The following TAFA1 variants were observed in gnomAD, a reference collection of about 807,000 sequenced individuals.
TAFA1 encodes TAFA chemokine like family member 1, also known as chemokine-like protein TAFA-1.
TAFA1 carries 4 observed loss-of-function variants against 18.5 expected under a neutral mutation model. The ratio of observed to expected loss-of-function variants is 0.22; its 90% CI spans 0.11 to 0.49. TAFA1 has a LOEUF of 0.49. Ranked by LOEUF, TAFA1 falls within the 20% of genes least tolerant of loss-of-function variation. The pLI, the probability that TAFA1 is intolerant of heterozygous loss-of-function variation, is 0.98. For missense variants in TAFA1, 147 were observed against 169.0 expected (o/e 0.87, Z 0.72); for synonymous variants, 56 against 55.2 (o/e 1.01, Z -0.06).
intron 2 of TAFA1, among the ~76,000 whole-genome samples, chr3:68,296,583 A>G (rs1327803334): frequency 6.6e-6 from 1 of 152,200 alleles, no homozygotes; most frequent in African/African-American, 2.4e-5. Flanking sequence ...TCAAAAAAAA[A>G]AAAGATAATA....
intron 2 of TAFA1, among the ~76,000 whole-genome samples, chr3:68,084,814 C>CA (rs887263356): frequency 6.7e-6 from 1 of 150,332 alleles, no homozygotes; most frequent in Non-Finnish European, 1.5e-5. Context: ...AAAAAAAAAC[C>CA]AAAAAAACCA....
At chr3:68,356,143 T>C (rs1479603609) in intron 2 of TAFA1, among the ~76,000 whole-genome samples, 2 of 151,856 alleles carry the variant, frequency 1.3e-5, no homozygotes, top group African/African-American at 4.8e-5. Flanking sequence ...ACCGTCATTA[T>C]AGAGGGATGT....
chr3:68,111,201 C>T (rs1463090691), intron 2 of TAFA1, among the ~76,000 whole-genome samples: 1 of 152,150 alleles, frequency 6.6e-6, no homozygotes, highest in East Asian at 1.9e-4. Flanking sequence ...GCTGCTATTT[C>T]CTAGACCACA....
intron 3 of TAFA1, among the ~76,000 whole-genome samples, chr3:68,517,072 C>A (rs1354547392): frequency 6.6e-6 from 1 of 152,174 alleles, no homozygotes; most frequent in Non-Finnish European, 1.5e-5. Flanking sequence ...CCGCGCCTGG[C>A]CAATTGTTCC....
chr3:68,339,230 T>C (rs908460214), intron 2 of TAFA1, among the ~76,000 whole-genome samples: 1 of 152,226 alleles, frequency 6.6e-6, no homozygotes, highest in East Asian at 1.9e-4. Flanking sequence ...TGAAATGTCA[T>C]TGGTTTCTGA....
chr3:68,400,181 G>T (rs2070460318), intron 2 of TAFA1, among the ~76,000 whole-genome samples: 1 of 152,064 alleles, frequency 6.6e-6, no homozygotes, highest in East Asian at 1.9e-4. Flanking sequence ...ACTGAAAATG[G>T]GGTAGGGGTG....
chr3:68,009,237 G>T (rs907086492), intron 2 of TAFA1, among the ~76,000 whole-genome samples: 4 of 152,102 alleles, frequency 2.6e-5, no homozygotes, highest in Non-Finnish European at 5.9e-5. Context: ...ATACAGTACC[G>T]TTTGTAACAA....
intron 3 of TAFA1, among the ~76,000 whole-genome samples, chr3:68,489,777 T>C (rs1559690924): frequency 6.6e-6 from 1 of 152,198 alleles, no homozygotes; most frequent in African/African-American, 2.4e-5. Flanking sequence ...AGAATGGCCA[T>C]TTTCTTAAAA....
chr3:68,235,221 G>A (rs528885612), intron 2 of TAFA1, among the ~76,000 whole-genome samples: 34 of 152,202 alleles, frequency 2.2e-4, no homozygotes, highest in African/African-American at 7.9e-4. Flanking sequence ...TATTCCAACC[G>A]ATGAATTTTT....
intron 2 of TAFA1, among the ~76,000 whole-genome samples, chr3:68,198,545 C>T (rs1296785364): frequency 6.6e-6 from 1 of 151,564 alleles, no homozygotes; most frequent in Non-Finnish European, 1.5e-5. Flanking sequence ...TTAGTGTTGT[C>T]AGTGTTCTGA....
At chr3:68,329,326 A>G (rs535719170) in intron 2 of TAFA1, among the ~76,000 whole-genome samples, 18 of 147,680 alleles carry the variant, frequency 1.2e-4, no homozygotes, top group Admixed American at 2.8e-4. Flanking sequence ...TTGGCCTCCC[A>G]AAGTGCTGGG....
intron 2 of TAFA1, among the ~76,000 whole-genome samples, chr3:68,336,148 T>C (rs1053032464): frequency 1.2e-4 from 18 of 152,222 alleles, no homozygotes; most frequent in African/African-American, 3.9e-4. Flanking sequence ...ACATAATGTC[T>C]ACCTTGTCTA....
At chr3:68,113,908 T>G (rs1488754695) in intron 2 of TAFA1, among the ~76,000 whole-genome samples, 1 of 144,888 alleles carries the variant, frequency 6.9e-6, no homozygotes, top group Admixed American at 6.9e-5. Flanking sequence ...TTTTTTTTTT[T>G]TTTTTTTTTT....
intron 2 of TAFA1, among the ~76,000 whole-genome samples, chr3:68,274,381 A>G (rs1306179640): frequency 1.3e-5 from 2 of 152,206 alleles, no homozygotes; most frequent in African/African-American, 2.4e-5. Flanking sequence ...TCAGAGAAAA[A>G]TGGTAAATTA....
At chr3:68,077,722 T>C (rs1397398576) in intron 2 of TAFA1, among the ~76,000 whole-genome samples, 1 of 151,956 alleles carries the variant, frequency 6.6e-6, no homozygotes, top group Non-Finnish European at 1.5e-5. Flanking sequence ...CCTAGTAGTA[T>C]AGTTTGAAGT....
At chr3:68,077,070 AT>A (rs1393735902) in intron 2 of TAFA1, among the ~76,000 whole-genome samples, 1 of 149,582 alleles carries the variant, frequency 6.7e-6, no homozygotes, top group African/African-American at 2.5e-5. Context: ...GATGGTGAGC[AT>A]TTTTTCATGT....
At chr3:68,098,231 A>T (rs953196200) in intron 2 of TAFA1, among the ~76,000 whole-genome samples, 4 of 151,952 alleles carry the variant, frequency 2.6e-5, no homozygotes, top group African/African-American at 7.2e-5. Context: ...ACAACCTCTC[A>T]ACTCGAGATA....
intron 3 of TAFA1, among the ~76,000 whole-genome samples, chr3:68,457,667 C>T (rs961034185): frequency 6.6e-6 from 1 of 152,152 alleles, no homozygotes; most frequent in Non-Finnish European, 1.5e-5. Context: ...CTAAAATTTA[C>T]TCTCTTAGCA....
chr3:68,441,681 G>T (rs1161638825), intron 3 of TAFA1, among the ~76,000 whole-genome samples: 1 of 152,108 alleles, frequency 6.6e-6, no homozygotes, highest in Admixed American at 6.6e-5. Context: ...TGTCTCAAAT[G>T]CCCATGGTCT....
Sources: allele counts gnomAD v4.1 joint callset (sites outside exome capture counted in the v4.1 genomes callset), GRCh38; gene constraint gnomAD v4.1.1; transcripts MANE v1.5; gene names NCBI Gene and HGNC (gene_info 2026-07-23, HGNC 2026-07-21).